Variants in TOX3 observed in about 807,000 individuals in gnomAD.
TOX3 encodes the protein CAG trinucleotide repeat-containing gene F9 protein.
TOX3 carries 22 observed loss-of-function variants against 64.3 expected under a neutral mutation model. The observed-to-expected ratio is 0.34, with a 90% CI of 0.24 to 0.49. The LOEUF is 0.49. Ranked by LOEUF, TOX3 falls within the 20% of genes least tolerant of loss-of-function variation. TOX3 has a pLI of 0.99. For missense variants in TOX3, 661 were observed against 714.4 expected (o/e 0.93, Z 0.85); for synonymous variants, 291 against 273.6 (o/e 1.06, Z -0.63).
intron 1 of TOX3, among the ~76,000 whole-genome samples, chr16:52,510,318 A>G (rs1962269709): frequency 6.6e-6 from 1 of 152,232 alleles, no homozygotes; most frequent in Non-Finnish European, 1.5e-5. Flanking sequence ...TCAAAGTAAT[A>G]TTTGGGACCA....
chr16:52,500,962 A>C (rs559645688), intron 1 of TOX3, among the ~76,000 whole-genome samples: 1 of 152,342 alleles, frequency 6.6e-6, no homozygotes, highest in East Asian at 1.9e-4. Context: ...TAAGTGCTAA[A>C]TAAGTAGTCT....
At chr16:52,545,386 C>A (rs1179408234) in intron 1 of TOX3, among the ~76,000 whole-genome samples, 1 of 152,202 alleles carries the variant, frequency 6.6e-6, no homozygotes, top group Admixed American at 6.5e-5. Context: ...CCCTAATGGT[C>A]TTTTACAAAC....
At chr16:52,474,475 G>T (rs1013348090) in intron 1 of TOX3, among the ~76,000 whole-genome samples, 7 of 151,976 alleles carry the variant, frequency 4.6e-5, no homozygotes, top group African/African-American at 1.7e-4. Context: ...AAAAATTATA[G>T]GCATGTTGGC....
chr16:52,528,092 C>T (rs992863180), intron 1 of TOX3, among the ~76,000 whole-genome samples: 3 of 152,152 alleles, frequency 2.0e-5, no homozygotes, highest in African/African-American at 7.2e-5. Context: ...CTACTGGTGA[C>T]CCCAGATAGT....
At chr16:52,466,612 A>G (rs1239747926) in intron 2 of TOX3, among the ~76,000 whole-genome samples, 2 of 152,196 alleles carry the variant, frequency 1.3e-5, no homozygotes, top group Non-Finnish European at 2.9e-5. Flanking sequence ...ACTAACATAA[A>G]ACATGTCTAT....
rs1959852509 is a variant in TOX3 at position 52,439,244 on chromosome 16, G to A, written c.1712C>T (p.Ser571Leu). 2.5e-6 allele frequency: 4 copies of A among 1,613,742 alleles called. No individual in the cohort carries two copies. Among genetic ancestry groups the A allele is most frequent in the East Asian group, 2.2e-5 (1 of 44,872 alleles). Residue 571 changes from serine to leucine, a missense_variant, in exon 7 of 7, where the codon TCG (serine) becomes TTG (leucine). Around this residue, in one of 3 missense-constraint regions of TOX3, gnomAD observed 299 missense variants for 292.1 expected, o/e 1.02. Transcript: ENST00000219746. ...GCGTCTTCAGAAAATACTGACCTGC[G>A]ATAATACTTGAGTCTGTGTCTGAGA... The part of the protein sequence containing the change: ...IQSQTQTQVL[S>L]QVSIF
intron 1 of TOX3, among the ~76,000 whole-genome samples, chr16:52,543,333 T>C (rs1963113869): frequency 2.6e-5 from 4 of 152,216 alleles, no homozygotes; most frequent in Admixed American, 1.3e-4. Context: ...AAATCCGAAA[T>C]GTTCCAATGA....
chr16:52,528,157 T>C (rs1053428275), intron 1 of TOX3, among the ~76,000 whole-genome samples: 1 of 152,216 alleles, frequency 6.6e-6, no homozygotes, highest in Admixed American at 6.5e-5. Flanking sequence ...GTTCAGCAAC[T>C]TAACCAGATG....
intron 1 of TOX3, among the ~76,000 whole-genome samples, chr16:52,501,681 C>CAAAA (rs1213262658): frequency 1.1e-4 from 15 of 140,744 alleles, no homozygotes; most frequent in South Asian, 2.3e-4. Flanking sequence ...AACAAACAAA[C>CAAAA]AAAAAAAAAA....
chr16:52,528,934 T>C (rs1962785958), intron 1 of TOX3, among the ~76,000 whole-genome samples: 2 of 152,208 alleles, frequency 1.3e-5, no homozygotes, highest in African/African-American at 4.8e-5. Context: ...ACAAATGCCC[T>C]GCATGAGTGC....
intron 1 of TOX3, among the ~76,000 whole-genome samples, chr16:52,500,872 G>A (rs779795726): frequency 3.3e-5 from 5 of 152,070 alleles, no homozygotes; most frequent in Non-Finnish European, 5.9e-5. Flanking sequence ...TTATTACCAT[G>A]CCCATTTATA....
At chr16:52,443,760 C>G (rs1960075173) in intron 6 of TOX3, among the ~76,000 whole-genome samples, 1 of 152,126 alleles carries the variant, frequency 6.6e-6, no homozygotes, top group African/African-American at 2.4e-5. Context: ...ACTGTATACT[C>G]TCTATATAAT....
chr16:52,522,083 C>T (rs1962625273), intron 1 of TOX3, among the ~76,000 whole-genome samples: 1 of 151,932 alleles, frequency 6.6e-6, no homozygotes, highest in Admixed American at 6.6e-5. Context: ...AGATAGAGTA[C>T]TTAGAATAGT....
Position 52,491,913 on chromosome 16 carries a change from T to C in TOX3, c.88-23339A>G, listed in dbSNP as rs150589044. 3.9e-5 allele frequency among the ~76,000 whole-genome samples: 6 copies of C among 152,166 alleles called. 1 individual carries two copies. Among genetic ancestry groups the C allele is most frequent in the Non-Finnish European group, 8.8e-5 (6 of 68,010 alleles). On this transcript the variant is annotated intron_variant, in intron 1 of 6. Transcript: ENST00000219746. ...TTTTCTGATGGTTTCTTGCCTCTCA[T>C]GAAAGAAAGTACCACGGCCACAGAT... is the stretch of plus-strand genomic sequence containing the variant.
rs1959761958 is a variant in TOX3, at chr16:52,436,614, G to A, written c.*2611C>T. On this transcript the variant is annotated 3_prime_UTR_variant, in exon 7 of 7. Coordinates refer to ENST00000219746, the MANE Select transcript of TOX3 (RefSeq NM_001080430.4). Reference sequence around the variant, plus strand: ...ATTCTTTTCATGATTCAAGCCTTTTGACATTTTAAATATGTAGTTTTGCCT... The same window carrying A: ...ATTCTTTTCATGATTCAAGCCTTTTAACATTTTAAATATGTAGTTTTGCCT... 6.6e-6 allele frequency among the ~76,000 whole-genome samples: 1 copy of A among 152,112 alleles called. No homozygotes were observed. The highest frequency in any genetic ancestry group is 2.1e-4 in the South Asian group (1 of 4,818).
rs375876725 is a variant in TOX3, at chr16:52,491,633, A to C, written c.88-23059T>G. On this transcript the variant is annotated intron_variant, in intron 1 of 6. Coordinates refer to ENST00000219746, the MANE Select transcript of TOX3 (RefSeq NM_001080430.4). The stretch of plus-strand genomic sequence containing the variant: ...TTGGACTGATCTGCTTGTCCTACCC[A>C]TGGACTGGAAATGTCACAAAGGAAT... 6.6e-5 allele frequency among the ~76,000 whole-genome samples: 10 copies of C among 152,256 alleles called. No individual in the cohort carries two copies. In the East Asian group the frequency reaches 1.2e-3, roughly 18 times the overall value.
chr16:52,496,721 A>G (rs1567335580), intron 1 of TOX3, among the ~76,000 whole-genome samples: 1 of 152,220 alleles, frequency 6.6e-6, no homozygotes, highest in African/African-American at 2.4e-5. Context: ...CAAAAAAGTG[A>G]GATCTGGTCT....
chr16:52,499,352 C>T (rs1287382568), intron 1 of TOX3, among the ~76,000 whole-genome samples: 1 of 152,184 alleles, frequency 6.6e-6, no homozygotes, highest in Non-Finnish European at 1.5e-5. Context: ...TTTTGTTTTT[C>T]TTCGTGGCAA....
chr16:52,472,709 AG>A (rs1961083797), intron 1 of TOX3, among the ~76,000 whole-genome samples: 1 of 152,198 alleles, frequency 6.6e-6, no homozygotes, highest in Admixed American at 6.5e-5. Flanking sequence ...ATTGTTCTAA[AG>A]GTCATATACA....
Sources: gnomAD v4.1 joint callset for allele counts (sites outside exome capture counted in the v4.1 genomes callset) on GRCh38, gnomAD v4.1.1 for gene constraint, gnomAD v4.1.1 regional missense constraint, MANE v1.5 for transcripts, NCBI Gene and HGNC (gene_info 2026-07-23, HGNC 2026-07-21) for gene names.